The following TENM2 variants were observed in gnomAD, a reference collection of about 807,000 sequenced individuals.
TENM2 encodes teneurin-2.
In TENM2, 52 loss-of-function variants were observed where a neutral mutation model predicts 245.2. The observed-to-expected ratio is 0.21, with a 90% CI of 0.17 to 0.27. The LOEUF (loss-of-function observed/expected upper bound fraction) is 0.27. Ranked by LOEUF, TENM2 falls within the 10% of genes least tolerant of loss-of-function variation. The pLI, the probability that TENM2 is intolerant of heterozygous loss-of-function variation, is 1.00. For synonymous variants in TENM2, 1,363 were observed against 1,438.9 expected (o/e 0.95, Z 1.19); for missense variants, 3,046 against 3,666.8 (o/e 0.83, Z 4.37).
chr5:167,351,199 A>G lies in TENM2; in HGVS notation c.227-23999A>G, dbSNP rs375795314. On this transcript the variant is annotated intron_variant, in intron 1 of 28. Transcript: ENST00000518659. ...ACATATGGGATATATATGGATATAT[A>G]TATATGGGATATATATACATAAGAT... Among the ~76,000 whole-genome samples the G allele has an allele frequency of 1.0e-4, 15 of 150,656 alleles. No individual in the cohort carries two copies. In the East Asian group the frequency reaches 1.7e-3, roughly 18 times the overall value.
At chr5:167,957,638 G>C (rs186102440) in intron 4 of TENM2, among the ~76,000 whole-genome samples, 69 of 152,278 alleles carry the variant, frequency 4.5e-4, no homozygotes, top group Admixed American at 9.8e-4. Flanking sequence ...TCTAAACACT[G>C]CTTTAGCTGT....
chr5:167,923,522 C>T (rs189044240), intron 3 of TENM2, among the ~76,000 whole-genome samples: 17 of 152,222 alleles, frequency 1.1e-4, no homozygotes, highest in South Asian at 4.2e-4. Context: ...GGTAGAAAGA[C>T]GGCTTGGGTG....
At chr5:168,207,804 C>T (rs955401061) in intron 19 of TENM2, among the ~76,000 whole-genome samples, 8 of 152,176 alleles carry the variant, frequency 5.3e-5, no homozygotes, top group Admixed American at 4.6e-4. Context: ...TTCCATGGTT[C>T]TCTCACTATC....
the TENM2 span, among the ~76,000 whole-genome samples, chr5:167,013,207 A>G: frequency 6.6e-6 from 1 of 152,150 alleles, no homozygotes; most frequent in African/African-American, 2.4e-5. Context: ...TAACTCCCAC[A>G]TTATTCCACC....
At chr5:167,853,308 A>AAAAAAAAAAAAAAAAAAAAAAC in intron 2 of TENM2, among the ~76,000 whole-genome samples, 1 of 139,674 alleles carries the variant, frequency 7.2e-6, no homozygotes, top group African/African-American at 2.8e-5. Context: ...AAAAAAAAAA[A>AAAAAAAAAAAAAAAAAAAAAAC]AAAAGAAAGT....
chr5:168,194,092 G>A (rs746846702), intron 14 of TENM2, among the ~76,000 whole-genome samples: 3 of 152,136 alleles, frequency 2.0e-5, no homozygotes, highest in Non-Finnish European at 4.4e-5. Context: ...TCCAAAAATC[G>A]AGCCGACTTT....
chr5:167,677,401 CT>C (rs570659400), intron 2 of TENM2, among the ~76,000 whole-genome samples: 97 of 145,802 alleles, frequency 6.7e-4, no homozygotes, highest in Middle Eastern at 7.1e-3. Context: ...AGAACAACTG[CT>C]TTTTTTTTTT....
chr5:168,130,136 C>T (rs1408012249), intron 12 of TENM2: 1 of 152,232 alleles, frequency 6.6e-6, no homozygotes, highest in Non-Finnish European at 1.5e-5. Flanking sequence ...CAAGGACAGA[C>T]TTCTAAAACT....
At chr5:167,159,742 C>T in the TENM2 span, among the ~76,000 whole-genome samples, 1 of 152,074 alleles carries the variant, frequency 6.6e-6, no homozygotes, top group Non-Finnish European at 1.5e-5. Flanking sequence ...ACAAGAGAAC[C>T]CCCACATTTC....
chr5:167,882,375 G>T (rs1232024448), intron 3 of TENM2, among the ~76,000 whole-genome samples: 2 of 152,172 alleles, frequency 1.3e-5, no homozygotes, highest in East Asian at 3.9e-4. Context: ...AACCATTAAT[G>T]TAGTGGGAAG....
In TENM2 at chr5:167,366,431, T is replaced by C. The variant is rs530261591; in HGVS notation, c.227-8767T>C. On this transcript the variant is annotated intron_variant, in intron 1 of 28. Transcript: ENST00000518659. ...CATCATAATAGCTACATTTGTTTTT[T>C]GGTTATTCTGATGCAGGCAACAATC... Among the ~76,000 whole-genome samples the C allele has an allele frequency of 5.9e-5, 9 of 152,290 alleles. No individual in the cohort carries two copies. In the South Asian group the frequency reaches 1.7e-3, roughly 28 times the overall value.
chr5:167,986,270 A>C (rs1235665419), intron 4 of TENM2, among the ~76,000 whole-genome samples: 2 of 152,204 alleles, frequency 1.3e-5, no homozygotes, highest in Non-Finnish European at 2.9e-5. Flanking sequence ...TCACATGAGG[A>C]AAAGTGATGA....
At chr5:167,522,483 T>C (rs1770832283) in intron 2 of TENM2, among the ~76,000 whole-genome samples, 1 of 152,008 alleles carries the variant, frequency 6.6e-6, no homozygotes, top group Non-Finnish European at 1.5e-5. Flanking sequence ...GGACCCCTCA[T>C]TTTCTTTCTC....
chr5:167,435,130 T>C (rs1319561866), intron 2 of TENM2, among the ~76,000 whole-genome samples: 2 of 151,472 alleles, frequency 1.3e-5, no homozygotes, highest in Non-Finnish European at 2.9e-5. Flanking sequence ...CATTTTCTAT[T>C]GTACATCTTA....
intron 2 of TENM2, among the ~76,000 whole-genome samples, chr5:167,755,618 G>A (rs1359450564): frequency 2.0e-5 from 3 of 151,940 alleles, no homozygotes; most frequent in East Asian, 1.9e-4. Context: ...ACCTATTTGC[G>A]GTAGCTCTCT....
intron 2 of TENM2, among the ~76,000 whole-genome samples, chr5:167,392,592 T>C (rs928851079): frequency 5.3e-5 from 8 of 152,266 alleles, no homozygotes; most frequent in Non-Finnish European, 8.8e-5. Flanking sequence ...GAAACTACAC[T>C]ACGGGTTTTC....
chr5:167,951,865 T>TA (rs1462706053), intron 3 of TENM2, among the ~76,000 whole-genome samples: 1 of 152,214 alleles, frequency 6.6e-6, no homozygotes, highest in East Asian at 1.9e-4. Context: ...CACACATACA[T>TA]ACGCAAATAT....
At chr5:167,689,134 C>T (rs1227885269) in intron 2 of TENM2, among the ~76,000 whole-genome samples, 1 of 152,204 alleles carries the variant, frequency 6.6e-6, no homozygotes, top group African/African-American at 2.4e-5. Context: ...GAGGGAAACA[C>T]CTGTGAAAAC....
the TENM2 span, among the ~76,000 whole-genome samples, chr5:167,277,051 T>C: frequency 6.6e-6 from 1 of 152,172 alleles, no homozygotes; most frequent in African/African-American, 2.4e-5. Context: ...ATTGATCTTT[T>C]CAAGGAAACA....
Sources: gnomAD v4.1 joint callset for allele counts (sites outside exome capture counted in the v4.1 genomes callset) on GRCh38, gnomAD v4.1.1 for gene constraint, MANE v1.5 for transcripts, NCBI Gene and HGNC (gene_info 2026-07-23, HGNC 2026-07-21) for gene names.